Variants in P2RY10 observed in about 807,000 individuals in gnomAD.
P2RY10 encodes the protein P2Y receptor family member 10.
In P2RY10, 4 loss-of-function variants were observed where a neutral mutation model predicts 12.1. The ratio of observed to expected loss-of-function variants is 0.33; its 90% CI spans 0.16 to 0.76. The LOEUF (loss-of-function observed/expected upper bound fraction) is 0.76, where lower values mean the gene tolerates loss of function less well. Ranked by LOEUF, P2RY10 falls within the 30% of genes least tolerant of loss-of-function variation. The pLI is 0.61. For missense variants in P2RY10, 233 were observed against 264.6 expected (o/e 0.88, Z 0.83); for synonymous variants, 112 against 94.1 (o/e 1.19, Z -1.10).
At position 78,962,227 on chromosome X, in the gene P2RY10, G is replaced by A. The variant is rs766802505; in HGVS notation, c.*687G>A. On this transcript the variant is annotated 3_prime_UTR_variant, in exon 4 of 4. Transcript: ENST00000171757. Reference sequence around the variant, plus strand: ...TGGTGATTTGTGAGATTTTGGTGCAGCCATCACCCGAGCAGTATACACTGC... The same window carrying A: ...TGGTGATTTGTGAGATTTTGGTGCAACCATCACCCGAGCAGTATACACTGC... 3.6e-5 allele frequency among the ~76,000 whole-genome samples: 4 copies of A among 110,541 alleles called. No homozygotes were observed. The East Asian group carries it at 8.5e-4, about 24-fold the overall frequency.
chrX:78,945,652 T>C (rs1286778811), intron 1 of P2RY10, among the ~76,000 whole-genome samples, 157 bp downstream of exon 1: 1 of 111,770 alleles, frequency 8.9e-6, no homozygotes, highest in Non-Finnish European at 1.9e-5. Flanking sequence ...GCAAAGATAA[T>C]TACTGTTGAG....
At chrX:78,945,718 G>A (rs961019410) in intron 1 of P2RY10, among the ~76,000 whole-genome samples, 3 of 112,011 alleles carry the variant, frequency 2.7e-5, no homozygotes, top group African/African-American at 9.7e-5. Flanking sequence ...ATTATGCCAG[G>A]AGCATGGAGT....
At chrX:78,947,213 T>A (rs1322800937) in intron 1 of P2RY10, among the ~76,000 whole-genome samples, 1 of 106,963 alleles carries the variant, frequency 9.3e-6, no homozygotes, top group Non-Finnish European at 1.9e-5. Context: ...AGACTCTGGC[T>A]CAAAAAAAAA....
Position 78,960,949 on chromosome X carries a change from C to A in P2RY10, c.429C>A (p.Asp143Glu). ...FFLLKPFRAR[D>E]WKRRYDVGIS... Reference sequence around the variant, plus strand: ...TCCTCAAGCCCTTCAGGGCCAGAGACTGGAAGCGTAGGTACGATGTGGGCA... The same window carrying A: ...TCCTCAAGCCCTTCAGGGCCAGAGAATGGAAGCGTAGGTACGATGTGGGCA... Residue 143 changes from aspartate (D) to glutamate (E), a missense_variant, in exon 4 of 4, where the codon GAC (aspartate) becomes GAA (glutamate). Coordinates refer to ENST00000171757, the MANE Select transcript of P2RY10 (RefSeq NM_014499.4). 8.3e-7 allele frequency: 1 copy of A among 1,211,466 alleles called. No individual in the cohort carries two copies. The highest frequency in any genetic ancestry group is 1.1e-6 in the Non-Finnish European group (1 of 895,126).
At chrX:78,945,546 G>T (rs891772398) in intron 1 of P2RY10, 51 bp downstream of exon 1, 8 of 112,003 alleles carry the variant, frequency 7.1e-5, no homozygotes, top group African/African-American at 2.6e-4. Context: ...TGGGAAGATT[G>T]GTGTGATCAT....
At chrX:78,958,357 G>A (rs1197245948) in intron 3 of P2RY10, among the ~76,000 whole-genome samples, 1 of 112,345 alleles carries the variant, frequency 8.9e-6, no homozygotes, top group African/African-American at 3.2e-5. Flanking sequence ...TTATAAGTGG[G>A]AGCTAAGCTA....
Position 78,963,581 on chromosome X carries a change from A to G in P2RY10, c.*2041A>G, listed in dbSNP as rs1400913473. 8.9e-6 allele frequency among the ~76,000 whole-genome samples: 1 copy of G among 112,636 alleles called. No homozygotes were observed. The highest frequency in any genetic ancestry group is 1.9e-5 in the Non-Finnish European group (1 of 53,313). ...TAAAAGGTAGTGCTTCAAGCACAGG[A>G]TTTATGGAATAGTTGGCAAATTAAA... On this transcript the variant is annotated 3_prime_UTR_variant, in exon 4 of 4. Transcript: ENST00000171757.
In P2RY10 at chrX:78,962,885, C is replaced by G. The variant is rs1960127119; in HGVS notation, c.*1345C>G. On this transcript the variant is annotated 3_prime_UTR_variant, in exon 4 of 4. Transcript: ENST00000171757. The stretch of plus-strand genomic sequence containing the variant: ...AAATATAGCTATATAATATTGTAAA[C>G]AAATTTGTTTTTTAGAAACTTTTAA... Among the ~76,000 whole-genome samples the G allele has an allele frequency of 9.0e-6, 1 of 111,628 alleles. No homozygotes were observed. Among genetic ancestry groups the G allele is most frequent in the Non-Finnish European group, 1.9e-5 (1 of 53,115 alleles).
At chrX:78,947,785 C>T (rs1427898736) in intron 1 of P2RY10, 30 bp from the exon 2 acceptor site, 1 of 518,402 alleles carries the variant, frequency 1.9e-6, no homozygotes, top group Admixed American at 9.0e-5. Flanking sequence ...ACTGAGTATC[C>T]TTTCCCAATT....
chrX:78,958,912 A>G (rs1202063134), intron 3 of P2RY10, among the ~76,000 whole-genome samples: 3 of 112,228 alleles, frequency 2.7e-5, no homozygotes, highest in Non-Finnish European at 5.6e-5. Context: ...TCATCACTTG[A>G]GGCTCTGTTT....
rs192253876 is a variant in P2RY10, at chrX:78,962,548, C to T, written c.*1008C>T. ...AAGCTAAGCCACATGAGATCAAGGCCATTTCAACATGGTTTGCCTGGAATT... is the reference window on the plus strand; with the variant it reads ...AAGCTAAGCCACATGAGATCAAGGCTATTTCAACATGGTTTGCCTGGAATT... On this transcript the variant is annotated 3_prime_UTR_variant, in exon 4 of 4. Coordinates refer to ENST00000171757, the MANE Select transcript of P2RY10 (RefSeq NM_014499.4). Among the ~76,000 whole-genome samples, 1 of 111,658 alleles carries T rather than the reference C, an allele frequency of 9.0e-6. No homozygotes were observed. Among genetic ancestry groups the T allele is most frequent in the East Asian group, 2.8e-4 (1 of 3,574 alleles).
chrX:78,951,922 C>A (rs1020525087), intron 2 of P2RY10, among the ~76,000 whole-genome samples: 67 of 111,288 alleles, frequency 6.0e-4, no homozygotes, highest in African/African-American at 1.9e-3. Flanking sequence ...TCTCACCCAA[C>A]AGCTCCCAAC....
At chrX:78,953,986 T>A (rs1922222071) in intron 3 of P2RY10, among the ~76,000 whole-genome samples, 1 of 112,050 alleles carries the variant, frequency 8.9e-6, no homozygotes, top group Admixed American at 9.4e-5. Flanking sequence ...CACCTCAGCC[T>A]CCTGAGTGGC....
intron 3 of P2RY10, among the ~76,000 whole-genome samples, chrX:78,954,137 T>C (rs991566008): frequency 2.7e-5 from 3 of 112,132 alleles, no homozygotes; most frequent in African/African-American, 9.7e-5. Context: ...CATCCCAATG[T>C]GCTGGGTTTA....
chrX:78,959,107 TG>T (rs1569245175), intron 3 of P2RY10, among the ~76,000 whole-genome samples: 1 of 111,657 alleles, frequency 9.0e-6, no homozygotes, highest in Non-Finnish European at 1.9e-5. Context: ...CTCAGTACAT[TG>T]TTTTTTTTCC....
At chrX:78,946,214 G>A (rs781004807) in intron 1 of P2RY10, among the ~76,000 whole-genome samples, 31 of 111,956 alleles carry the variant, frequency 2.8e-4, no homozygotes, top group Non-Finnish European at 5.6e-4. Context: ...TTTTAGGATA[G>A]GAAAGGAGAA....
At chrX:78,956,813 A>G (rs1384887839) in intron 3 of P2RY10, among the ~76,000 whole-genome samples, 2 of 111,686 alleles carry the variant, frequency 1.8e-5, no homozygotes, top group African/African-American at 6.5e-5. Flanking sequence ...AAATAATCAC[A>G]GGACTCCTGT....
intron 2 of P2RY10, among the ~76,000 whole-genome samples, chrX:78,949,179 T>G (rs1363960634): frequency 8.9e-6 from 1 of 111,935 alleles, no homozygotes; most frequent in Non-Finnish European, 1.9e-5. Flanking sequence ...TGGCCATTTG[T>G]ATATCTTCTT....
chrX:78,947,867 A>T lies in P2RY10; in HGVS notation c.-157+4A>T, dbSNP rs938343346. 17 of 679,487 alleles carry T rather than the reference A, an allele frequency of 2.5e-5. No homozygotes were observed. Among genetic ancestry groups the T allele is most frequent in the Non-Finnish European group, 3.0e-5 (17 of 571,988 alleles). The allele number at this position is 679,487 out of a possible 1,213,427, so 56.0% of individuals were successfully genotyped here. A position where few individuals can be genotyped will look rare whatever the true frequency, so the allele number is the denominator to read the frequency against. On this transcript the variant is annotated splice_donor_region_variant and intron_variant, in intron 2 of 3. Transcript: ENST00000171757. Reference sequence around the variant, plus strand: ...TTAGACCACAGGCAAATGCTTTGTAAGTAATTTCCCTTTTTTAAAAATGAG... The same window carrying T: ...TTAGACCACAGGCAAATGCTTTGTATGTAATTTCCCTTTTTTAAAAATGAG...
Sources: allele counts gnomAD v4.1 joint callset (sites outside exome capture counted in the v4.1 genomes callset), GRCh38; gene constraint gnomAD v4.1.1; transcripts MANE v1.5; gene names NCBI Gene and HGNC (gene_info 2026-07-23, HGNC 2026-07-21).